The following TTC6 variants were observed in gnomAD, a reference collection of about 807,000 sequenced individuals.
The protein encoded by TTC6 is tetratricopeptide repeat protein 6.
Under a neutral mutation model 210.4 loss-of-function variants are expected in TTC6, and 172 were observed. The ratio of observed to expected loss-of-function variants is 0.82; its 90% CI spans 0.72 to 0.93. The LOEUF (loss-of-function observed/expected upper bound fraction) is 0.93, where lower values mean the gene tolerates loss of function less well. Among genes scored for constraint, TTC6 ranks in the 40% least tolerant of loss-of-function variants. The pLI is 0.00. For synonymous variants in TTC6, 804 were observed against 819.6 expected, an observed-to-expected ratio of 0.98 and a Z score of 0.32; for missense variants, 2,414 against 2,318.1, an observed-to-expected ratio of 1.04 and a Z score of -0.85.
intron 14 of TTC6, among the ~76,000 whole-genome samples, chr14:37,759,446 G>T (rs1032396477): frequency 6.6e-6 from 1 of 151,826 alleles, no homozygotes; most frequent in African/African-American, 2.4e-5. Context: ...TTTTTCCTTT[G>T]TTTCAGCTTT....
At chr14:37,813,976 A>T (rs73260719) in intron 25 of TTC6, among the ~76,000 whole-genome samples, 27 of 152,362 alleles carry the variant, frequency 1.8e-4, no homozygotes, top group African/African-American at 6.2e-4. Flanking sequence ...GGACTACTGT[A>T]GTAGCTTTCC....
intron 1 of TTC6, among the ~76,000 whole-genome samples, chr14:37,599,301 G>T (rs2095610731): frequency 6.6e-6 from 1 of 152,112 alleles, no homozygotes; most frequent in Admixed American, 6.5e-5. Context: ...ATCTTTAAGG[G>T]ATTAATTCAC....
chr14:37,751,574 AT>A (rs1348029631), intron 13 of TTC6, among the ~76,000 whole-genome samples: 1 of 151,970 alleles, frequency 6.6e-6, no homozygotes, highest in East Asian at 1.9e-4. Flanking sequence ...AAAGAAAAAT[AT>A]TTTCTACTTT....
At chr14:37,817,178 C>T (rs1413516613) in intron 25 of TTC6, among the ~76,000 whole-genome samples, 1 of 152,160 alleles carries the variant, frequency 6.6e-6, no homozygotes, top group African/African-American at 2.4e-5. Context: ...AGGTTCTCTC[C>T]CGGTACATTT....
intron 3 of TTC6, 49 bp from the exon 6 acceptor site, chr14:37,696,668 C>T: frequency 3.3e-6 from 3 of 914,260 alleles, no homozygotes; most frequent in Middle Eastern, 4.5e-4. Context: ...AAAGATCTAA[C>T]TCTCATGTTA....
chr14:37,720,747 C>T (rs555159524), intron 6 of TTC6, among the ~76,000 whole-genome samples: 13 of 152,134 alleles, frequency 8.5e-5, no homozygotes, highest in Non-Finnish European at 1.2e-4. Flanking sequence ...AGATTACATA[C>T]TGTGTAATTT....
intron 27 of TTC6, among the ~76,000 whole-genome samples, chr14:37,824,268 G>T (rs545589336): frequency 6.6e-6 from 1 of 152,064 alleles, no homozygotes; most frequent in Admixed American, 6.6e-5. Flanking sequence ...TTTGCCTGAT[G>T]AAGTTCATCT....
At position 37,638,138 on chromosome 14, in the gene TTC6, A is replaced by G. The variant is rs192908434; in HGVS notation, c.939+15135A>G. ...ACTTAGGAAGAAAAGGAAATGAAGT[A>G]TTGATACCTGCAACAACTTGGATGA... On this transcript the variant is annotated intron_variant, in intron 1 of 30. Transcript: ENST00000553443. Among the ~76,000 whole-genome samples, 647 of 152,382 alleles carry G rather than the reference A, an allele frequency of 4.2e-3. 4 individuals carry two copies. Among genetic ancestry groups the G allele is most frequent in the Non-Finnish European group, 7.7e-3 (527 of 68,036 alleles).
At chr14:37,818,667 G>A (rs2096148125) in intron 26 of TTC6, among the ~76,000 whole-genome samples, 1 of 151,886 alleles carries the variant, frequency 6.6e-6, no homozygotes, top group Non-Finnish European at 1.5e-5. Context: ...AATTTTATGA[G>A]CAGAGTAATA....
At chr14:37,753,661 T>C (rs1409924377) in intron 14 of TTC6, among the ~76,000 whole-genome samples, 3 of 152,056 alleles carry the variant, frequency 2.0e-5, no homozygotes, top group Admixed American at 6.5e-5. Context: ...CTGAATCTCC[T>C]GGGCTCATGC....
At chr14:37,779,332 G>A (rs2096047596) in intron 14 of TTC6, among the ~76,000 whole-genome samples, 1 of 151,992 alleles carries the variant, frequency 6.6e-6, no homozygotes, top group Non-Finnish European at 1.5e-5. Flanking sequence ...AGTGGCAGGT[G>A]TTCCTCCTGT....
chr14:37,603,189 C>G (rs1384513701), intron 1 of TTC6, among the ~76,000 whole-genome samples: 1 of 152,158 alleles, frequency 6.6e-6, no homozygotes, highest in African/African-American at 2.4e-5. Flanking sequence ...ATGGTTCTGA[C>G]GCTGACCGCA....
chr14:37,725,045 T>G, intron 7 of TTC6, 43 bp downstream of exon 9: 2 of 1,090,964 alleles, frequency 1.8e-6, no homozygotes, highest in Non-Finnish European at 2.5e-6. Flanking sequence ...TTGTTGTTAT[T>G]ATTTAATAAA....
At chr14:37,718,267 A>C (rs2095855895) in intron 6 of TTC6, among the ~76,000 whole-genome samples, 1 of 152,210 alleles carries the variant, frequency 6.6e-6, no homozygotes, top group African/African-American at 2.4e-5. Context: ...TCAGTATTGG[A>C]AAGTCAATCT....
At chr14:37,668,817 C>T (rs1276551553) in intron 1 of TTC6, among the ~76,000 whole-genome samples, 1 of 152,164 alleles carries the variant, frequency 6.6e-6, no homozygotes, top group Non-Finnish European at 1.5e-5. Flanking sequence ...CATACCATGT[C>T]TGTTTATGAA....
At chr14:37,658,304 C>G (rs1291258945) in intron 1 of TTC6, among the ~76,000 whole-genome samples, 1 of 152,110 alleles carries the variant, frequency 6.6e-6, no homozygotes, top group Non-Finnish European at 1.5e-5. Flanking sequence ...CTTCCTTTGC[C>G]AACACTTATT....
intron 1 of TTC6, among the ~76,000 whole-genome samples, chr14:37,596,221 A>G (rs1351967261): frequency 6.6e-6 from 1 of 152,164 alleles, no homozygotes; most frequent in Non-Finnish European, 1.5e-5. Flanking sequence ...TCAGGGAGTG[A>G]GCTGGAGACG....
intron 6 of TTC6, among the ~76,000 whole-genome samples, chr14:37,722,778 C>T (rs1452031446): frequency 6.6e-6 from 1 of 152,172 alleles, no homozygotes; most frequent in African/African-American, 2.4e-5. Context: ...GATCACCTGG[C>T]TAGGTAGTGT....
chr14:37,633,380 G>A (rs2095673808), intron 1 of TTC6, among the ~76,000 whole-genome samples: 2 of 152,164 alleles, frequency 1.3e-5, no homozygotes, highest in South Asian at 2.1e-4. Flanking sequence ...AGGGGAGGGA[G>A]TTTTCCAACC....
Sources: gnomAD v4.1 joint callset for allele counts (sites outside exome capture counted in the v4.1 genomes callset) on GRCh38, gnomAD v4.1.1 for gene constraint, MANE v1.5 for transcripts, NCBI Gene and HGNC (gene_info 2026-07-23, HGNC 2026-07-21) for gene names.